Variants in SIRPA observed in about 807,000 individuals in gnomAD.
The protein encoded by SIRPA is tyrosine-protein phosphatase non-receptor type substrate 1.
Under a neutral mutation model 50.3 loss-of-function variants are expected in SIRPA, and 9 were observed. The ratio of observed to expected loss-of-function variants is 0.18; its 90% confidence interval spans 0.11 to 0.31. The LOEUF (loss-of-function observed/expected upper bound fraction) is 0.31. SIRPA is among the 10% of genes least tolerant of loss of function. SIRPA has a pLI of 1.00. For missense variants in SIRPA, 474 were observed against 661.6 expected (o/e 0.72, Z 3.11); for synonymous variants, 265 against 284.1 (o/e 0.93, Z 0.68).
At position 1,936,674 on chromosome 20, in the gene SIRPA, T is replaced by G. The variant is rs948574551; in HGVS notation, c.1267-646T>G. Among the ~76,000 whole-genome samples, 2 of 152,244 alleles carry G rather than the reference T, an allele frequency of 1.3e-5. No individual in the cohort carries two copies. Among genetic ancestry groups the G allele is most frequent in the African/African-American group, 4.8e-5 (2 of 41,460 alleles). ...CATTCAATATGGATCAGACTTCTTA[T>G]GTGCCAGCCTTGGTTTCTGAATCAT... is the stretch of plus-strand genomic sequence containing the variant. On this transcript the variant is annotated intron_variant, in intron 7 of 7. Transcript: ENST00000358771. This position sits in a 1 kb window ranked among gnomAD's most constrained non-coding sequence, Gnocchi z 4.2.
intron 7 of SIRPA, among the ~76,000 whole-genome samples, chr20:1,935,576 C>T (rs372075102): frequency 2.0e-5 from 3 of 152,222 alleles, no homozygotes; most frequent in South Asian, 4.1e-4. Context: ...GACATGAGCT[C>T]GAGTTGTAAT....
At chr20:1,923,913 T>TGACC (rs1410855299) in intron 4 of SIRPA, among the ~76,000 whole-genome samples, 1 of 152,272 alleles carries the variant, frequency 6.6e-6, no homozygotes, top group Non-Finnish European at 1.5e-5. Flanking sequence ...CTTCAGGGCC[T>TGACC]GACCACAGTA....
At position 1,937,393 on chromosome 20, in the gene SIRPA, C is replaced by T. The variant is rs1329853718; in HGVS notation, c.1340C>T (p.Pro447Leu). ...AAGCCTGCTCCCCAGGCTGCGGAGC[C>T]CAACAACCACACGGAGTATGCCAGC... is the stretch of plus-strand genomic sequence containing the variant. The part of the protein sequence containing the change: ...GKKPAPQAAE[P>L]NNHTEYASIQ... Residue 447 changes from proline to leucine, a missense_variant, in exon 8 of 8, where the codon CCC (proline) becomes CTC (leucine). Physicochemically the swap from Pro to Leu is moderately conservative, Grantham distance 98. Transcript: ENST00000358771. This position sits in a 1 kb window ranked among gnomAD's most constrained non-coding sequence, Gnocchi z 8.3. 1.2e-6 allele frequency: 2 copies of T among 1,613,966 alleles called. No individual in the cohort carries two copies. Among genetic ancestry groups the T allele is most frequent in the East Asian group, 2.2e-5 (1 of 44,870 alleles).
rs201948513 is a variant in SIRPA, at chr20:1,927,924, C to T, written c.1226+25C>T. The T allele has an allele frequency of 3.5e-5, 56 of 1,606,976 alleles. No homozygotes were observed. The Middle Eastern group carries it at 3.0e-3, about 85-fold the overall frequency. On this transcript the variant is annotated intron_variant, in intron 6 of 7. Transcript: ENST00000358771. This position sits in a 1 kb window ranked among gnomAD's most constrained non-coding sequence, Gnocchi z 6.5. ...GGTAAGTGCATCATTGGTCCAGACC[C>T]TCTTGCAGTTATTATTTGGTTATTT...
At chr20:1,908,043 G>C (rs1254445556) in intron 1 of SIRPA, among the ~76,000 whole-genome samples, 1 of 152,172 alleles carries the variant, frequency 6.6e-6, no homozygotes, top group Admixed American at 6.5e-5. Flanking sequence ...CTCTGGAAAG[G>C]TTAGCACCTC....
At position 1,906,499 on chromosome 20, in the gene SIRPA, C is replaced by T. The variant is rs149062335; in HGVS notation, c.80-8600C>T. 6.6e-5 allele frequency among the ~76,000 whole-genome samples: 10 copies of T among 152,124 alleles called. No homozygotes were observed. The South Asian group carries it at 8.3e-4, about 13-fold the overall frequency. On this transcript the variant is annotated intron_variant, in intron 1 of 7. Coordinates refer to ENST00000358771, the MANE Select transcript of SIRPA (RefSeq NM_001040023.2). ...CTCAGATAGGCCTGAAGGAGAGGAG[C>T]GAGCCAGACATGTAGATATTTAGGG...
rs2122125876 is a variant in SIRPA, at chr20:1,924,318, T to G, written c.1088-446T>G. On this transcript the variant is annotated intron_variant, in intron 4 of 7. Coordinates refer to ENST00000358771, the MANE Select transcript of SIRPA (RefSeq NM_001040023.2). The surrounding 1 kb of genome is among the most constrained non-coding windows in gnomAD (Gnocchi z 4.5). ...CTGAGCCCAGTGTGCATGGCCCAGG[T>G]GCTGGGCACAGACCGGTCGTCAGCC... Among the ~76,000 whole-genome samples the G allele has an allele frequency of 6.6e-6, 1 of 152,254 alleles. No individual in the cohort carries two copies. The highest frequency in any genetic ancestry group is 1.9e-4 in the East Asian group (1 of 5,176).
intron 1 of SIRPA, among the ~76,000 whole-genome samples, chr20:1,905,122 T>C (rs1196905419): frequency 6.6e-6 from 1 of 152,224 alleles, no homozygotes; most frequent in Non-Finnish European, 1.5e-5. Context: ...AATCAGTGAA[T>C]AGTGTCAGCT....
At chr20:1,902,869 G>A (rs1280089465) in intron 1 of SIRPA, among the ~76,000 whole-genome samples, 2 of 152,036 alleles carry the variant, frequency 1.3e-5, no homozygotes, top group African/African-American at 4.8e-5. Flanking sequence ...AAAATTAGCC[G>A]GGCATGGTGG....
intron 1 of SIRPA, among the ~76,000 whole-genome samples, chr20:1,901,721 A>G (rs2122987584): frequency 1.3e-5 from 2 of 152,276 alleles, no homozygotes; most frequent in Middle Eastern, 3.4e-3. Flanking sequence ...GAAGTCGGAA[A>G]TGCTGCAGAA....
rs537274991 is a variant in SIRPA at position 1,912,486 on chromosome 20, G to A, written c.80-2613G>A. ...CTTCATTCATTACCGCATTCATTCT[G>A]CATATTTTTATCGATGACACTGTGT... On this transcript the variant is annotated intron_variant, in intron 1 of 7. Coordinates refer to ENST00000358771, the MANE Select transcript of SIRPA (RefSeq NM_001040023.2). 1.1e-4 allele frequency among the ~76,000 whole-genome samples: 16 copies of A among 152,318 alleles called. No homozygotes were observed. The East Asian group carries it at 3.1e-3, about 29-fold the overall frequency.
chr20:1,897,223 G>C (rs1033046275), intron 1 of SIRPA, among the ~76,000 whole-genome samples: 2 of 152,210 alleles, frequency 1.3e-5, no homozygotes. Flanking sequence ...AGATGGTAAA[G>C]ATTGGGCCAT....
At chr20:1,897,292 G>C in intron 1 of SIRPA, among the ~76,000 whole-genome samples, 1 of 152,248 alleles carries the variant, frequency 6.6e-6, no homozygotes, top group East Asian at 1.9e-4. Flanking sequence ...AGCAGCAGAG[G>C]GGCCAAGATT....
At chr20:1,911,652 C>A (rs1370742521) in intron 1 of SIRPA, among the ~76,000 whole-genome samples, 1 of 152,118 alleles carries the variant, frequency 6.6e-6, no homozygotes, top group African/African-American at 2.4e-5. Context: ...CAGGGAGCAG[C>A]CCAGCAAAGG....
upstream of SIRPA, among the ~76,000 whole-genome samples, chr20:1,895,012 C>T (rs1983681206): frequency 1.3e-5 from 2 of 148,458 alleles, no homozygotes; most frequent in African/African-American, 4.9e-5. Context: ...CTCGGCCGTG[C>T]TGCCCCTCGC....
At position 1,936,186 on chromosome 20, in the gene SIRPA, A is replaced by G. The variant is rs1011214459; in HGVS notation, c.1267-1134A>G. On this transcript the variant is annotated intron_variant, in intron 7 of 7. Coordinates refer to ENST00000358771, the MANE Select transcript of SIRPA (RefSeq NM_001040023.2). This position sits in a 1 kb window ranked among gnomAD's most constrained non-coding sequence, Gnocchi z 4.2. ...GTTGGTGGTAGCTTTATTCTGTTCT[A>G]TCACGCAGGGGCCAGTCACAGAGGG... 2.2e-4 allele frequency among the ~76,000 whole-genome samples: 33 copies of G among 152,174 alleles called. No homozygotes were observed. The highest frequency in any genetic ancestry group is 6.2e-4 in the South Asian group (3 of 4,836).
intron 2 of SIRPA, among the ~76,000 whole-genome samples, chr20:1,915,983 T>C (rs1985263545): frequency 6.6e-6 from 1 of 152,198 alleles, no homozygotes; most frequent in Non-Finnish European, 1.5e-5. Context: ...ACTGAGAAGA[T>C]TCCTAAAAGG....
At chr20:1,903,334 C>T (rs865883221) in intron 1 of SIRPA, among the ~76,000 whole-genome samples, 3 of 152,136 alleles carry the variant, frequency 2.0e-5, no homozygotes, top group Non-Finnish European at 2.9e-5. Flanking sequence ...TGGGAAATAC[C>T]GTTAATCCAT....
At chr20:1,916,367 C>A (rs1393819872) in intron 2 of SIRPA, among the ~76,000 whole-genome samples, 1 of 152,182 alleles carries the variant, frequency 6.6e-6, no homozygotes, top group Non-Finnish European at 1.5e-5. Context: ...GCCTTGTCCA[C>A]AGTCATAGGC....
Sources: allele counts gnomAD v4.1 joint callset (sites outside exome capture counted in the v4.1 genomes callset), GRCh38; gene constraint gnomAD v4.1.1; non-coding constraint Gnocchi (gnomAD v3.1); transcripts MANE v1.5; gene names NCBI Gene and HGNC (gene_info 2026-07-23, HGNC 2026-07-21).